Variants in HEMK2 observed in about 807,000 individuals in gnomAD.
The protein encoded by HEMK2 is HemK methyltransferase 2, ETF1 glutamine and histone H4 lysine, also known as methyltransferase HEMK2.
chr21:28,670,759 G>A, the HEMK2 span, among the ~76,000 whole-genome samples: 27 of 152,296 alleles, frequency 1.8e-4, no homozygotes, highest in African/African-American at 3.8e-4. Context: ...CAGTTGTGGC[G>A]GAAGGCTAAG....
the HEMK2 span, among the ~76,000 whole-genome samples, chr21:28,718,804 T>A: frequency 6.6e-6 from 1 of 152,062 alleles, no homozygotes; most frequent in African/African-American, 2.4e-5. Context: ...ACAAAAGAGA[T>A]AAAAGGTGAG....
At chr21:28,611,050 C>T in the HEMK2 span, among the ~76,000 whole-genome samples, 1 of 152,252 alleles carries the variant, frequency 6.6e-6, no homozygotes, top group Non-Finnish European at 1.5e-5. Flanking sequence ...CAAAAATGGA[C>T]TTAACAGATA....
At chr21:28,592,913 CA>C in the HEMK2 span, among the ~76,000 whole-genome samples, 1 of 152,174 alleles carries the variant, frequency 6.6e-6, no homozygotes, top group African/African-American at 2.4e-5. Flanking sequence ...CATTTAAATT[CA>C]GAGTCAGGAA....
chr21:28,775,437 G>A, the HEMK2 span, among the ~76,000 whole-genome samples: 76 of 151,568 alleles, frequency 5.0e-4, no homozygotes, highest in South Asian at 4.6e-3. Context: ...AATTTAAAAC[G>A]TGTGTGTGTG....
chr21:28,611,544 ACT>A, the HEMK2 span, among the ~76,000 whole-genome samples: 2 of 152,188 alleles, frequency 1.3e-5, no homozygotes, highest in African/African-American at 4.8e-5. Flanking sequence ...AAATAAATAG[ACT>A]CTGAACAGAC....
At chr21:28,770,382 T>A in the HEMK2 span, among the ~76,000 whole-genome samples, 12 of 152,142 alleles carry the variant, frequency 7.9e-5, no homozygotes, top group African/African-American at 2.9e-4. Flanking sequence ...TTCCTTACCA[T>A]TCAATTCAAC....
chr21:28,876,808 A>G, the HEMK2 span, among the ~76,000 whole-genome samples: 1 of 152,086 alleles, frequency 6.6e-6, no homozygotes, highest in Non-Finnish European at 1.5e-5. Context: ...GATTGGCTCC[A>G]ATCTCTGCCC....
the HEMK2 span, among the ~76,000 whole-genome samples, chr21:28,811,665 G>A: frequency 2.0e-5 from 3 of 152,110 alleles, no homozygotes; most frequent in African/African-American, 7.2e-5. Context: ...GAACGTACCA[G>A]CTTTACAATA....
At chr21:28,851,980 G>A in the HEMK2 span, among the ~76,000 whole-genome samples, 3 of 152,178 alleles carry the variant, frequency 2.0e-5, no homozygotes, top group East Asian at 5.8e-4. Context: ...ACCACATCTG[G>A]TACAGCAGCT....
the HEMK2 span, among the ~76,000 whole-genome samples, chr21:28,871,129 G>T: frequency 5.3e-5 from 8 of 152,030 alleles, no homozygotes; most frequent in Admixed American, 4.6e-4. Flanking sequence ...CAATTTTCCT[G>T]GACACAATTT....
chr21:28,651,982 C>G, the HEMK2 span, among the ~76,000 whole-genome samples: 6 of 152,306 alleles, frequency 3.9e-5, no homozygotes, highest in South Asian at 2.1e-4. Flanking sequence ...TAAATTACCA[C>G]ATTTCTGTGA....
At chr21:28,771,768 G>A in the HEMK2 span, among the ~76,000 whole-genome samples, 6 of 152,042 alleles carry the variant, frequency 3.9e-5, no homozygotes, top group Non-Finnish European at 8.8e-5. Context: ...AAAATCTCCT[G>A]AGAAATAGCA....
the HEMK2 span, among the ~76,000 whole-genome samples, chr21:28,639,164 C>A: frequency 3.0e-4 from 46 of 152,228 alleles, no homozygotes; most frequent in Non-Finnish European, 6.0e-4. Context: ...AGTTAAGAAA[C>A]CTTCATGGAT....
chr21:28,814,249 T>C, the HEMK2 span, among the ~76,000 whole-genome samples: 2 of 151,876 alleles, frequency 1.3e-5, no homozygotes, highest in African/African-American at 4.8e-5. Context: ...AAAAAACACT[T>C]GAATGTAAGA....
chr21:28,633,138 G>GAGCAAGA, the HEMK2 span, among the ~76,000 whole-genome samples: 1 of 152,160 alleles, frequency 6.6e-6, no homozygotes, highest in Admixed American at 6.5e-5. Context: ...ACTATAGAAG[G>GAGCAAGA]AGTACTTGCT....
At chr21:28,834,919 T>G in the HEMK2 span, among the ~76,000 whole-genome samples, 2 of 152,056 alleles carry the variant, frequency 1.3e-5, no homozygotes, top group East Asian at 3.9e-4. Flanking sequence ...GAGGCAGCCA[T>G]AATCCTCCTA....
the HEMK2 span, among the ~76,000 whole-genome samples, chr21:28,664,606 A>T: frequency 3.9e-5 from 6 of 151,948 alleles, no homozygotes; most frequent in Non-Finnish European, 7.4e-5. Context: ...CCTTTTAAAA[A>T]ATATATATAT....
the HEMK2 span, among the ~76,000 whole-genome samples, chr21:28,799,724 G>A: frequency 3.3e-5 from 5 of 152,234 alleles, no homozygotes; most frequent in Non-Finnish European, 7.4e-5. Context: ...AGCCCTATGA[G>A]ATTTTCAAAA....
At chr21:28,589,103 A>T in the HEMK2 span, among the ~76,000 whole-genome samples, 2 of 152,154 alleles carry the variant, frequency 1.3e-5, no homozygotes, top group Non-Finnish European at 2.9e-5. Flanking sequence ...GTAAACTTAT[A>T]AAAAAGGCAA....
Sources: gnomAD v4.1 joint callset for allele counts (sites outside exome capture counted in the v4.1 genomes callset) on GRCh38, gnomAD v4.1.1 for gene constraint, MANE v1.5 for transcripts, NCBI Gene and HGNC (gene_info 2026-07-23, HGNC 2026-07-21) for gene names.